The following FAM98A variants were observed in gnomAD, a reference collection of about 807,000 sequenced individuals.
FAM98A encodes tRNA splicing ligase complex subunit 3A.
FAM98A carries 25 observed loss-of-function variants against 62.9 expected under a neutral mutation model. The ratio of observed to expected loss-of-function variants is 0.40; its 90% confidence interval spans 0.29 to 0.56. The LOEUF (loss-of-function observed/expected upper bound fraction) is 0.56. FAM98A is among the 20% of genes least tolerant of loss of function. FAM98A has a pLI of 0.51. For synonymous variants in FAM98A, 252 were observed against 228.6 expected (o/e 1.10, Z -0.92); for missense variants, 653 against 640.7 (o/e 1.02, Z -0.21).
chr2:33,592,019 T>C (rs1677681340), intron 3 of FAM98A, 61 bp downstream of exon 3: 8 of 1,372,498 alleles, frequency 5.8e-6, no homozygotes, highest in African/African-American at 1.4e-5. Flanking sequence ...ATGGTCAGTT[T>C]ATTAGTCATG....
chr2:33,599,276 G>C lies in FAM98A; in HGVS notation c.-55C>G, dbSNP rs1440510756. 4.5e-5 allele frequency: 64 copies of C among 1,433,238 alleles called. No individual in the cohort carries two copies. The highest frequency in any genetic ancestry group is 5.9e-5 in the Non-Finnish European group (60 of 1,014,862). 88.8% of individuals were successfully genotyped at this position (1,433,238 alleles called of 1,614,324 possible). On this transcript the variant is annotated 5_prime_UTR_variant, in exon 1 of 8. Transcript: ENST00000238823. ...TCAGGCTCCCCTCTTCGCCGGCAACGCGTACACTCGCGCATGCGCGACTTC... is the reference window on the plus strand; with the variant it reads ...TCAGGCTCCCCTCTTCGCCGGCAACCCGTACACTCGCGCATGCGCGACTTC...
At chr2:33,589,746 C>T (rs1483532405) in intron 3 of FAM98A, 1 of 152,158 alleles carries the variant, frequency 6.6e-6, no homozygotes, top group Non-Finnish European at 1.5e-5. Flanking sequence ...ACAACAACCA[C>T]TGTTTTTGTA....
intron 1 of FAM98A, among the ~76,000 whole-genome samples, chr2:33,598,266 T>C (rs1018250637): frequency 6.6e-6 from 1 of 152,234 alleles, no homozygotes; most frequent in Non-Finnish European, 1.5e-5. Flanking sequence ...ACTTGTTACT[T>C]AGAAATACAG....
chr2:33,586,788 A>G, intron 5 of FAM98A, 110 bp from the exon 6 acceptor site: 1 of 685,630 alleles, frequency 1.5e-6, no homozygotes, highest in South Asian at 1.7e-5. Flanking sequence ...CGGCCATTTA[A>G]CAGTCAAAAG....
chr2:33,591,652 A>G (rs2151145422), intron 3 of FAM98A, among the ~76,000 whole-genome samples: 1 of 152,352 alleles, frequency 6.6e-6, no homozygotes, highest in Middle Eastern at 3.4e-3. Context: ...ATTAACCATT[A>G]ACTGTATCTA....
intron 2 of FAM98A, among the ~76,000 whole-genome samples, chr2:33,593,082 T>G (rs1269959127): frequency 6.6e-6 from 1 of 152,202 alleles, no homozygotes; most frequent in African/African-American, 2.4e-5. Context: ...TTCCTCTCTC[T>G]GTGAACCACA....
intron 1 of FAM98A, among the ~76,000 whole-genome samples, chr2:33,597,594 G>A (rs1381818115): frequency 2.7e-5 from 4 of 150,034 alleles, no homozygotes; most frequent in African/African-American, 9.8e-5. Context: ...AAAGGAGGGG[G>A]AAAAAAAAAG....
chr2:33,588,954 G>A (rs1319158794), intron 3 of FAM98A: 4 of 151,984 alleles, frequency 2.6e-5, no homozygotes. Flanking sequence ...CAACTACCTT[G>A]CTCTCTTGTC....
In FAM98A at chr2:33,591,166, T is replaced by C. The variant is rs1572417765; in HGVS notation, c.337+914A>G. ...GTTACAAAAGTGATTCTGGAATAAC[T>C]TAGTGCCTAAGTATAATGGCTATGA... On this transcript the variant is annotated intron_variant, in intron 3 of 7. Transcript: ENST00000238823. Among the ~76,000 whole-genome samples the C allele has an allele frequency of 1.3e-5, 2 of 151,970 alleles. 1 individual carries two copies.
At chr2:33,586,479 T>C (rs933470105) in intron 6 of FAM98A, 83 bp downstream of exon 6, 32 of 881,548 alleles carry the variant, frequency 3.6e-5, no homozygotes, top group Non-Finnish European at 5.2e-5. Flanking sequence ...ACTTCTCCCA[T>C]AGTTGCCAAG....
chr2:33,591,835 C>A, intron 3 of FAM98A: 1 of 324,446 alleles, frequency 3.1e-6, no homozygotes, highest in Non-Finnish European at 5.7e-6. Context: ...TTAGGAGAAG[C>A]ACAACGGCCT....
chr2:33,596,039 C>T (rs1235815134), intron 1 of FAM98A, among the ~76,000 whole-genome samples: 4 of 152,230 alleles, frequency 2.6e-5, no homozygotes, highest in African/African-American at 7.2e-5. Flanking sequence ...CTTAGGTTAT[C>T]TTTTCTAAAA....
Position 33,584,798 on chromosome 2 carries a change from T to C in FAM98A, c.1535A>G (p.Gln512Arg). The part of the protein sequence containing the change: ...GYQYNHSGFG[Q>R]GRHYTS ...GCCTCAACTAGTGTAATGTCTTCCC[T>C]GTCCAAATCCAGAATGATTATACTG... Residue 512 changes from glutamine (Q) to arginine (R), a missense_variant, in exon 8 of 8, where the codon CAG becomes CGG. By Grantham distance (43) the Gln-to-Arg change is conservative. Coordinates refer to ENST00000238823, the MANE Select transcript of FAM98A (RefSeq NM_015475.5). 2 of 1,606,468 alleles carry C rather than the reference T, an allele frequency of 1.2e-6. No homozygotes were observed. The highest frequency in any genetic ancestry group is 1.7e-6 in the Non-Finnish European group (2 of 1,173,938).
chr2:33,587,275 G>T lies in FAM98A; in HGVS notation c.568C>A (p.Pro190Thr), dbSNP rs200377281. ...GGTCCCATTGGCTTCTTCAGTAAAGGCTTTCCCACATGATTAGGTGGAACT... is the reference window on the plus strand; with the variant it reads ...GGTCCCATTGGCTTCTTCAGTAAAGTCTTTCCCACATGATTAGGTGGAACT... ...AKVPPNHVGK[P>T]LLKKPMGPAH... is the part of the protein sequence containing the mutation. Residue 190 changes from proline (P) to threonine (T), a missense_variant, in exon 5 of 8, where the codon CCT (proline) becomes ACT (threonine). By Grantham distance (38) the Pro-to-Thr change is conservative. Transcript: ENST00000238823. 4.8e-5 allele frequency: 77 copies of T among 1,613,386 alleles called. No individual in the cohort carries two copies. Among genetic ancestry groups the T allele is most frequent in the Non-Finnish European group, 6.1e-5 (72 of 1,179,504 alleles).
In FAM98A at chr2:33,586,602, T is replaced by C. The variant is rs1258480380; in HGVS notation, c.680A>G (p.Asp227Gly). The change falls in exon 6 of 8, where the codon GAT becomes GGT. Residue 227 changes from aspartate (D) to glycine (G), a missense_variant. By Grantham distance (94) the Asp-to-Gly change is moderately conservative. Transcript: ENST00000238823. ...VRRKLLIKRL[D>G]VTVQSFGWSD... ...CCAGCCAAAGGATTGTACAGTGACATCCAAACGTTTTATTAGCAGCTTTCT... is the reference window on the plus strand; with the variant it reads ...CCAGCCAAAGGATTGTACAGTGACACCCAAACGTTTTATTAGCAGCTTTCT... 1 of 1,613,626 alleles carries C rather than the reference T, an allele frequency of 6.2e-7. No individual in the cohort carries two copies. Among genetic ancestry groups the C allele is most frequent in the Non-Finnish European group, 8.5e-7 (1 of 1,179,538 alleles).
intron 1 of FAM98A, among the ~76,000 whole-genome samples, chr2:33,598,765 G>A (rs1290898682): frequency 1.3e-5 from 2 of 152,162 alleles, no homozygotes; most frequent in Admixed American, 1.3e-4. Flanking sequence ...CAAGATGGGA[G>A]TAGGAAATTT....
At chr2:33,587,530 G>T (rs1328619067) in intron 4 of FAM98A, 2 of 537,716 alleles carry the variant, frequency 3.7e-6, no homozygotes, top group Non-Finnish European at 6.7e-6. Context: ...ATTGCACCTA[G>T]AACAGTGCCT....
At chr2:33,593,886 G>C (rs957286895) in intron 2 of FAM98A, among the ~76,000 whole-genome samples, 9 of 152,230 alleles carry the variant, frequency 5.9e-5, no homozygotes, top group Non-Finnish European at 1.2e-4. Flanking sequence ...GGGGCTCCAG[G>C]TTAAATAGAG....
chr2:33,595,610 T>G lies in FAM98A; in HGVS notation c.81A>C (p.Gly27=). ...CAGCAGAGACTGCCTGAGAGAGCGC[T>G]CCATCTTCCAACAATGGGCCCTTGT... ...LGYKGPLLED[G]ALSQAVSAGA... Residue 27 remains glycine, a synonymous_variant, in exon 2 of 8, where the codon GGA becomes GGC. Coordinates refer to ENST00000238823, the MANE Select transcript of FAM98A (RefSeq NM_015475.5). 1.3e-6 allele frequency: 2 copies of G among 1,588,612 alleles called. No individual in the cohort carries two copies. The highest frequency in any genetic ancestry group is 1.7e-6 in the Non-Finnish European group (2 of 1,172,264).
Sources: gnomAD v4.1 joint callset for allele counts (sites outside exome capture counted in the v4.1 genomes callset) on GRCh38, gnomAD v4.1.1 for gene constraint, MANE v1.5 for transcripts, NCBI Gene and HGNC (gene_info 2026-07-23, HGNC 2026-07-21) for gene names.